Variants in ZFHX3 observed in about 807,000 individuals in gnomAD.
ZFHX3 encodes zinc finger homeobox 3.
Under a neutral mutation model 279.1 loss-of-function variants are expected in ZFHX3, and 42 were observed. The ratio of observed to expected loss-of-function variants is 0.15; its 90% CI spans 0.12 to 0.19. The LOEUF (loss-of-function observed/expected upper bound fraction) is 0.19, where lower values mean the gene tolerates loss of function less well. Ranked by LOEUF, ZFHX3 falls within the 10% of genes least tolerant of loss-of-function variation. The pLI, the probability that ZFHX3 is intolerant of heterozygous loss-of-function variation, is 1.00. For synonymous variants in ZFHX3, 2,293 were observed against 1,957.8 expected (o/e 1.17, Z -4.52); for missense variants, 4,981 against 4,754.0 (o/e 1.05, Z -1.40).
chr16:73,074,515 T>C (rs897478335), intron 8 of ZFHX3, among the ~76,000 whole-genome samples: 4 of 152,198 alleles, frequency 2.6e-5, no homozygotes, highest in Non-Finnish European at 5.9e-5. Context: ...CACATCTCCA[T>C]AAACGCCCAC....
intron 3 of ZFHX3, among the ~76,000 whole-genome samples, chr16:73,343,318 C>T (rs1232878057): frequency 2.0e-5 from 3 of 152,120 alleles, no homozygotes; most frequent in Non-Finnish European, 4.4e-5. Context: ...CTTTCAAATT[C>T]TCTTCTTCAC....
At chr16:73,631,151 T>G (rs1473806186) in intron 2 of ZFHX3, among the ~76,000 whole-genome samples, 1 of 152,200 alleles carries the variant, frequency 6.6e-6, no homozygotes, top group Non-Finnish European at 1.5e-5. Context: ...AGTACGCTGT[T>G]AGGTCAGGTA....
chr16:72,823,495 G>A (rs1053014055), intron 5 of ZFHX3, among the ~76,000 whole-genome samples: 2 of 152,182 alleles, frequency 1.3e-5, no homozygotes, highest in African/African-American at 4.8e-5. Context: ...AACACAGTGT[G>A]TCTGTCCCAA....
intron 5 of ZFHX3, among the ~76,000 whole-genome samples, chr16:72,819,988 A>G (rs1258593233): frequency 6.6e-6 from 1 of 152,202 alleles, no homozygotes; most frequent in Non-Finnish European, 1.5e-5. Flanking sequence ...AGAAAGAGGA[A>G]GCGTCTTTTT....
At chr16:73,410,489 A>C (rs1011794683) in intron 3 of ZFHX3, among the ~76,000 whole-genome samples, 1 of 152,230 alleles carries the variant, frequency 6.6e-6, no homozygotes, top group African/African-American at 2.4e-5. Flanking sequence ...AGAAAGGCTA[A>C]ATGCATGAGG....
chr16:73,382,374 T>C (rs1030496301), intron 3 of ZFHX3, among the ~76,000 whole-genome samples: 1 of 152,228 alleles, frequency 6.6e-6, no homozygotes. Context: ...AGATGACTTA[T>C]ATCTCTAATC....
Position 72,787,342 on chromosome 16 carries a change from G to A in ZFHX3, c.10934C>T (p.Ser3645Leu). 6.2e-7 allele frequency: 1 copy of A among 1,613,636 alleles called. No individual in the cohort carries two copies. Among genetic ancestry groups the A allele is most frequent in the Non-Finnish European group, 8.5e-7 (1 of 1,179,756 alleles). Reference sequence around the variant, plus strand: ...GGGCTGAACCCCTGAGGTGCTGCATGAACTTGAGGTAACCGTTGAAGATGA... The same window carrying A: ...GGGCTGAACCCCTGAGGTGCTGCATAAACTTGAGGTAACCGTTGAAGATGA... ...LSSSSTVTSS[S>L]CSTSGVQPSM... The change falls in exon 10 of 10, where the codon TCA (serine) becomes TTA (leucine). Residue 3645 changes from serine to leucine, a missense_variant. Physicochemically the swap from Ser to Leu is moderately radical, Grantham distance 145 (BLOSUM62 -2). Coordinates refer to ENST00000268489, the MANE Select transcript of ZFHX3 (RefSeq NM_006885.4).
chr16:73,429,576 G>A (rs529391883), intron 3 of ZFHX3, among the ~76,000 whole-genome samples: 9 of 151,872 alleles, frequency 5.9e-5, no homozygotes, highest in East Asian at 5.9e-4. Context: ...CAAGTGATTC[G>A]CCTGTCCTGG....
intron 1 of ZFHX3, among the ~76,000 whole-genome samples, chr16:73,883,522 A>G (rs2030245487): frequency 6.6e-6 from 1 of 152,086 alleles, no homozygotes; most frequent in Non-Finnish European, 1.5e-5. Context: ...ACAGACAACA[A>G]TGACATGTGC....
At chr16:73,388,453 G>A (rs927666343) in intron 3 of ZFHX3, among the ~76,000 whole-genome samples, 4 of 152,252 alleles carry the variant, frequency 2.6e-5, no homozygotes, top group Middle Eastern at 6.8e-3. Flanking sequence ...ATATAACCAT[G>A]CCAGCTCAAG....
chr16:73,346,638 A>C (rs910558986), intron 3 of ZFHX3, among the ~76,000 whole-genome samples: 1 of 152,088 alleles, frequency 6.6e-6, no homozygotes, highest in Non-Finnish European at 1.5e-5. Flanking sequence ...TGCCTGGCTA[A>C]TTTTTGTATT....
chr16:73,297,906 C>G (rs547009236), intron 4 of ZFHX3, among the ~76,000 whole-genome samples: 2 of 151,980 alleles, frequency 1.3e-5, no homozygotes, highest in South Asian at 4.2e-4. Flanking sequence ...AGACTTTGTC[C>G]AGGCTTGGTG....
rs747094025 is a variant in ZFHX3 at position 72,793,959 on chromosome 16, T to C, written c.8723A>G (p.Asn2908Ser). 6.2e-7 allele frequency: 1 copy of C among 1,614,208 alleles called. No individual in the cohort carries two copies. Among genetic ancestry groups the C allele is most frequent in the Admixed American group, 1.7e-5 (1 of 60,030 alleles). Reference protein sequence around the residue: ...APSFYSKEYDNEGTVDYSETS... With the variant: ...APSFYSKEYDSEGTVDYSETS... ...TTCACTGTAGTCCACTGTACCTTCA[T>C]TGTCATATTCCTTGCTATAAAAGCT... is the stretch of plus-strand genomic sequence containing the variant. Residue 2908 changes from asparagine (N) to serine (S), a missense_variant, in exon 9 of 10, where the codon AAT (asparagine) becomes AGT (serine). Transcript: ENST00000268489. The surrounding 1 kb of genome is among the most constrained non-coding windows in gnomAD (Gnocchi z 4.3).
At chr16:73,561,740 T>C (rs116157819) in intron 2 of ZFHX3, among the ~76,000 whole-genome samples, 11,135 of 152,256 alleles carry the variant, frequency 0.073, 530 homozygotes, top group South Asian at 0.1. Context: ...CTACCTAAAA[T>C]AGGCTTATTC....
At chr16:73,879,281 G>GGA (rs1403046702) in intron 1 of ZFHX3, among the ~76,000 whole-genome samples, 1 of 147,098 alleles carries the variant, frequency 6.8e-6, no homozygotes, top group African/African-American at 2.5e-5. Context: ...AGGAGCAGGT[G>GGA]GAGAAAAAAA....
intron 8 of ZFHX3, among the ~76,000 whole-genome samples, chr16:73,076,770 T>C (rs1287317320): frequency 6.6e-6 from 1 of 152,174 alleles, no homozygotes; most frequent in African/African-American, 2.4e-5. Context: ...TGAGAACCGA[T>C]CCTGTCAGGA....
intron 1 of ZFHX3, among the ~76,000 whole-genome samples, chr16:73,862,439 C>T (rs1256045034): frequency 6.6e-6 from 1 of 152,172 alleles, no homozygotes; most frequent in Non-Finnish European, 1.5e-5. Context: ...ACCTCCAATG[C>T]TTGTAATTCC....
rs1349370081 is a variant in ZFHX3, at chr16:72,877,460, G to A, written c.3448+12271C>T. 2.6e-5 allele frequency among the ~76,000 whole-genome samples: 4 copies of A among 152,284 alleles called. No homozygotes were observed. The South Asian group carries it at 6.2e-4, about 24-fold the overall frequency. On this transcript the variant is annotated intron_variant, in intron 4 of 9. Coordinates refer to ENST00000268489, the MANE Select transcript of ZFHX3 (RefSeq NM_006885.4). The stretch of plus-strand genomic sequence containing the variant: ...GGTCTTCTGTATGAAGATGGTCTGC[G>A]GAAAGTGACCACGCATCAGAGTGTC...
intron 2 of ZFHX3, among the ~76,000 whole-genome samples, chr16:73,525,531 G>A (rs138210104): frequency 4.7e-4 from 72 of 152,242 alleles, no homozygotes; most frequent in African/African-American, 1.5e-3. Flanking sequence ...CACAAACTCC[G>A]CGTGGACATC....
Sources: gnomAD v4.1 joint callset for allele counts (sites outside exome capture counted in the v4.1 genomes callset) on GRCh38, gnomAD v4.1.1 for gene constraint, Gnocchi (gnomAD v3.1) non-coding constraint, MANE v1.5 for transcripts, NCBI Gene and HGNC (gene_info 2026-07-23, HGNC 2026-07-21) for gene names.